Variants in KCNH1 observed in about 807,000 individuals in gnomAD.
The protein encoded by KCNH1 is potassium voltage-gated channel subfamily H member 1.
In KCNH1, 27 loss-of-function variants were observed where a neutral mutation model predicts 69.2. The observed-to-expected ratio is 0.39, with a 90% CI of 0.29 to 0.54. KCNH1 has a LOEUF of 0.54. Ranked by LOEUF, KCNH1 falls within the 20% of genes least tolerant of loss-of-function variation. The pLI, the probability that KCNH1 is intolerant of heterozygous loss-of-function variation, is 0.68. For synonymous variants in KCNH1, 456 were observed against 487.7 expected (o/e 0.93, Z 0.86); for missense variants, 798 against 1,261.6 (o/e 0.63, Z 5.57).
At chr1:211,001,482 T>C (rs1202879235) in intron 6 of KCNH1, among the ~76,000 whole-genome samples, 2 of 152,136 alleles carry the variant, frequency 1.3e-5, no homozygotes, top group South Asian at 2.1e-4. Context: ...CCACACCAGT[T>C]AGAATGGCGA....
chr1:211,008,359 C>T (rs1261863685), intron 6 of KCNH1, among the ~76,000 whole-genome samples: 1 of 152,164 alleles, frequency 6.6e-6, no homozygotes, highest in Non-Finnish European at 1.5e-5. Context: ...AAGAACTGCC[C>T]AGCTGAGCCA....
At chr1:211,066,999 C>T (rs1299144766) in intron 5 of KCNH1, among the ~76,000 whole-genome samples, 1 of 145,244 alleles carries the variant, frequency 6.9e-6, no homozygotes, top group Non-Finnish European at 1.6e-5. Flanking sequence ...CTGGCTTCCT[C>T]ACGGGGAAGG....
At chr1:210,901,205 C>A (rs1237742665) in intron 7 of KCNH1, among the ~76,000 whole-genome samples, 2 of 152,126 alleles carry the variant, frequency 1.3e-5, no homozygotes, top group Non-Finnish European at 2.9e-5. Context: ...CCTCCATGAA[C>A]CCAGGTCTAT....
intron 6 of KCNH1, among the ~76,000 whole-genome samples, chr1:210,956,538 T>TG (rs1371886470): frequency 2.7e-5 from 3 of 112,612 alleles, no homozygotes; most frequent in Non-Finnish European, 5.5e-5. Flanking sequence ...GTCCTGGAGT[T>TG]TTTTTTTTTT....
intron 7 of KCNH1, among the ~76,000 whole-genome samples, chr1:210,817,691 G>A (rs1684847822): frequency 6.6e-6 from 1 of 152,148 alleles, no homozygotes; most frequent in Non-Finnish European, 1.5e-5. Flanking sequence ...AGGCCTATGA[G>A]ATAGGGACTA....
At chr1:210,830,564 G>A (rs113317447) in intron 7 of KCNH1, among the ~76,000 whole-genome samples, 14,357 of 151,992 alleles carry the variant, frequency 0.094, 712 homozygotes, top group Non-Finnish European at 0.11. Context: ...AGAGGAAGAA[G>A]AAAAGAAACC....
At chr1:210,711,126 C>G (rs1392409886) in intron 10 of KCNH1, among the ~76,000 whole-genome samples, 1 of 152,236 alleles carries the variant, frequency 6.6e-6, no homozygotes, top group African/African-American at 2.4e-5. Context: ...GAAATTCACC[C>G]TTAGTCTATT....
chr1:210,967,595 C>T (rs572601073), intron 6 of KCNH1, among the ~76,000 whole-genome samples: 16 of 152,076 alleles, frequency 1.1e-4, no homozygotes, highest in Non-Finnish European at 1.9e-4. Flanking sequence ...CTTTATTCTT[C>T]ATATTTCCTG....
At chr1:210,851,932 A>G (rs555797813) in intron 7 of KCNH1, among the ~76,000 whole-genome samples, 19 of 152,258 alleles carry the variant, frequency 1.2e-4, no homozygotes, top group Non-Finnish European at 2.6e-4. Context: ...CATGCCAGGA[A>G]TCATGCTAAA....
chr1:211,106,309 G>T (rs974830777), intron 2 of KCNH1, among the ~76,000 whole-genome samples: 4 of 152,248 alleles, frequency 2.6e-5, no homozygotes, highest in African/African-American at 4.8e-5. Context: ...ACACCTGGAA[G>T]ATGCTTTAAA....
intron 9 of KCNH1, among the ~76,000 whole-genome samples, chr1:210,796,838 C>T (rs1684325316): frequency 6.6e-6 from 1 of 152,110 alleles, no homozygotes; most frequent in African/African-American, 2.4e-5. Flanking sequence ...CAATCCACTC[C>T]CCAAGCTGCA....
chr1:210,908,384 A>C (rs1168661414), intron 7 of KCNH1, among the ~76,000 whole-genome samples: 1 of 152,186 alleles, frequency 6.6e-6, no homozygotes, highest in East Asian at 1.9e-4. Flanking sequence ...ATTCCATCCA[A>C]GGCTGCCAGC....
At chr1:210,930,045 T>A (rs948980061) in intron 6 of KCNH1, among the ~76,000 whole-genome samples, 3 of 151,952 alleles carry the variant, frequency 2.0e-5, no homozygotes, top group African/African-American at 7.3e-5. Flanking sequence ...CACAAACAAA[T>A]GGAAACACAG....
chr1:211,076,781 G>C (rs1245110578), intron 5 of KCNH1, among the ~76,000 whole-genome samples: 1 of 152,198 alleles, frequency 6.6e-6, no homozygotes, highest in Non-Finnish European at 1.5e-5. Flanking sequence ...ACAGAAGTAG[G>C]CTTCAGAAGG....
intron 6 of KCNH1, among the ~76,000 whole-genome samples, chr1:210,934,758 G>A (rs560435944): frequency 2.6e-5 from 4 of 151,974 alleles, no homozygotes; most frequent in African/African-American, 9.7e-5. Flanking sequence ...AGTTAGAATG[G>A]CTACTATCAA....
intron 10 of KCNH1, among the ~76,000 whole-genome samples, chr1:210,728,110 C>G (rs1682651032): frequency 6.6e-6 from 1 of 152,184 alleles, no homozygotes; most frequent in Non-Finnish European, 1.5e-5. Context: ...TTATCAGAAC[C>G]TACATTCTAA....
At chr1:210,772,309 A>C (rs975514588) in intron 10 of KCNH1, among the ~76,000 whole-genome samples, 2 of 152,224 alleles carry the variant, frequency 1.3e-5, no homozygotes, top group Non-Finnish European at 2.9e-5. Context: ...TGTTGTCAAG[A>C]ATCTTAGCAA....
At chr1:210,751,452 A>G (rs138201998) in intron 10 of KCNH1, among the ~76,000 whole-genome samples, 1 of 152,310 alleles carries the variant, frequency 6.6e-6, no homozygotes, top group Non-Finnish European at 1.5e-5. Context: ...AAGAGTCAGA[A>G]GAGGCTAAGT....
At chr1:210,716,068 G>GC (rs1682227069) in intron 10 of KCNH1, among the ~76,000 whole-genome samples, 1 of 151,948 alleles carries the variant, frequency 6.6e-6, no homozygotes, top group African/African-American at 2.4e-5. Flanking sequence ...CCCTGCTCTT[G>GC]CCCCCTCCCC....
Sources: gnomAD v4.1 joint callset for allele counts (sites outside exome capture counted in the v4.1 genomes callset) on GRCh38, gnomAD v4.1.1 for gene constraint, MANE v1.5 for transcripts, NCBI Gene and HGNC (gene_info 2026-07-23, HGNC 2026-07-21) for gene names.